VPS50: variants seen among roughly 807,000 people sequenced by gnomAD.
VPS50 encodes the protein VPS50 subunit of EARP/GARPII complex.
VPS50 carries 70 observed loss-of-function variants against 139.7 expected under a neutral mutation model. The observed-to-expected ratio is 0.50, with a 90% CI of 0.41 to 0.61. The LOEUF (loss-of-function observed/expected upper bound fraction) is 0.61. Among genes scored for constraint, VPS50 ranks in the 20% least tolerant of loss-of-function variants. VPS50 has a pLI of 0.00. For synonymous variants in VPS50, 365 were observed against 376.7 expected (o/e 0.97, Z 0.36); for missense variants, 921 against 1,133.7 (o/e 0.81, Z 2.69).
chr7:93,315,602 T>C (rs1797402582), intron 20 of VPS50, among the ~76,000 whole-genome samples: 1 of 152,198 alleles, frequency 6.6e-6, no homozygotes, highest in Admixed American at 6.5e-5. Context: ...CTTTGGGTAC[T>C]TGCTAGTCTG....
At chr7:93,327,153 A>C (rs989009632) in intron 21 of VPS50, among the ~76,000 whole-genome samples, 1 of 152,168 alleles carries the variant, frequency 6.6e-6, no homozygotes, top group East Asian at 1.9e-4. Flanking sequence ...GAAATTTCAC[A>C]ATAGTGGAAA....
At chr7:93,330,404 T>G (rs1797900929) in intron 21 of VPS50, among the ~76,000 whole-genome samples, 1 of 152,024 alleles carries the variant, frequency 6.6e-6, no homozygotes. Context: ...AATGGCAGAT[T>G]GTCAGAATGG....
intron 9 of VPS50, among the ~76,000 whole-genome samples, chr7:93,268,159 T>G (rs753154270): frequency 6.0e-4 from 91 of 152,160 alleles, no homozygotes; most frequent in African/African-American, 2.1e-3. Flanking sequence ...CCAAATCATA[T>G]AGAATATTGA....
At chr7:93,232,573 A>G (rs1043210773) in intron 1 of VPS50, 73 bp downstream of exon 1, 17 of 1,300,674 alleles carry the variant, frequency 1.3e-5, no homozygotes, top group South Asian at 1.3e-4. Flanking sequence ...TCTGTCCCCA[A>G]CCAGTGGCGG....
intron 12 of VPS50, among the ~76,000 whole-genome samples, chr7:93,283,522 C>T (rs1399986962): frequency 1.3e-5 from 2 of 152,152 alleles, no homozygotes; most frequent in Non-Finnish European, 2.9e-5. Flanking sequence ...AGGTGTGAGC[C>T]ACCGCGCCTG....
chr7:93,331,409 G>A (rs979352741), intron 21 of VPS50, among the ~76,000 whole-genome samples: 7 of 151,990 alleles, frequency 4.6e-5, no homozygotes, highest in Non-Finnish European at 1.0e-4. Flanking sequence ...CTGGCCTAAC[G>A]GTAGATAAGT....
At chr7:93,297,352 T>C in intron 16 of VPS50, 109 bp downstream of exon 16, 1 of 1,181,434 alleles carries the variant, frequency 8.5e-7, no homozygotes, top group Non-Finnish European at 1.1e-6. Context: ...CTTTTGAATT[T>C]GAATGTGTTG....
At chr7:93,269,677 G>A (rs1319139360) in intron 9 of VPS50, among the ~76,000 whole-genome samples, 1 of 152,058 alleles carries the variant, frequency 6.6e-6, no homozygotes, top group Admixed American at 6.6e-5. Context: ...TCTATAAGAA[G>A]CAAATGCAAG....
rs1246474211 is a variant in VPS50, at chr7:93,348,957, C to G, written c.2304+150C>G. 8.2e-6 allele frequency: 5 copies of G among 608,802 alleles called. No individual in the cohort carries two copies. The East Asian group carries it at 1.4e-4, about 17-fold the overall frequency. The allele number at this position is 608,802 out of a possible 1,614,324, so 37.7% of individuals were successfully genotyped here. A position where few individuals can be genotyped will look rare whatever the true frequency, so the allele number is the denominator to read the frequency against. The stretch of plus-strand genomic sequence containing the variant: ...ATATTCATTTATTCACTCATGAATT[C>G]CTACATTAAATACATACTATCGAGC... On this transcript the variant is annotated intron_variant, in intron 24 of 27. Coordinates refer to ENST00000305866, the MANE Select transcript of VPS50 (RefSeq NM_017667.4).
At position 93,301,596 on chromosome 7, in the gene VPS50, A is replaced by T. The variant is rs183329163; in HGVS notation, c.1362-1864A>T. Among the ~76,000 whole-genome samples, 381 of 152,328 alleles carry T rather than the reference A, an allele frequency of 2.5e-3. 1 individual carries two copies. Among genetic ancestry groups the T allele is most frequent in the African/African-American group, 8.9e-3 (369 of 41,572 alleles). On this transcript the variant is annotated intron_variant, in intron 16 of 27. Transcript: ENST00000305866. The stretch of plus-strand genomic sequence containing the variant: ...TAAATACCACAAACCTGTCTGGAAG[A>T]GACAGGAAGCAGATTATCCCCTAGG...
intron 17 of VPS50, among the ~76,000 whole-genome samples, chr7:93,304,673 C>G (rs1224200432): frequency 1.3e-5 from 2 of 151,744 alleles, no homozygotes; most frequent in African/African-American, 4.8e-5. Flanking sequence ...GTCACGTTGT[C>G]AAACTTAGTA....
intron 1 of VPS50, among the ~76,000 whole-genome samples, chr7:93,236,027 C>T (rs1402529986): frequency 6.6e-6 from 1 of 152,172 alleles, no homozygotes; most frequent in Non-Finnish European, 1.5e-5. Flanking sequence ...GGTAAGAAGT[C>T]TTTAGCTTCC....
intron 23 of VPS50, among the ~76,000 whole-genome samples, chr7:93,346,140 T>C (rs200675885): frequency 6.6e-6 from 1 of 152,154 alleles, no homozygotes; most frequent in Non-Finnish European, 1.5e-5. Context: ...TCTCAGGATA[T>C]AAAATCAATG....
rs148888740 is a variant in VPS50, at chr7:93,356,035, T to C, written c.2730T>C (p.Tyr910=). The part of the protein sequence containing the change: ...KEFVETYIKA[Y]YLTENDMERW... Reference sequence around the variant, plus strand: ...TTGTAGAAACTTATATTAAAGCTTATTACCTAACTGAGAATGACATGGAAC... The same window carrying C: ...TTGTAGAAACTTATATTAAAGCTTACTACCTAACTGAGAATGACATGGAAC... Residue 910 remains tyrosine, a synonymous_variant, in exon 27 of 28, where the codon TAT becomes TAC. Coordinates refer to ENST00000305866, the MANE Select transcript of VPS50 (RefSeq NM_017667.4). The C allele has an allele frequency of 7.3e-3, 11,360 of 1,556,646 alleles. 85 individuals are homozygous for C. The highest frequency in any genetic ancestry group is 7.4e-3 in the Non-Finnish European group (8,404 of 1,138,596).
At chr7:93,260,558 A>G (rs1276152024) in intron 9 of VPS50, among the ~76,000 whole-genome samples, 3 of 152,110 alleles carry the variant, frequency 2.0e-5, no homozygotes, top group East Asian at 1.9e-4. Flanking sequence ...AAATTATCTC[A>G]TATTACAAGT....
At chr7:93,347,107 A>G (rs183665150) in intron 23 of VPS50, among the ~76,000 whole-genome samples, 5 of 148,186 alleles carry the variant, frequency 3.4e-5, no homozygotes, top group Non-Finnish European at 4.4e-5. Flanking sequence ...AGAATCTACA[A>G]TGAACTCAAA....
intron 19 of VPS50, 58 bp downstream of exon 19, chr7:93,309,000 G>T (rs1797193165): frequency 7.8e-6 from 7 of 895,300 alleles, no homozygotes; most frequent in African/African-American, 1.7e-5. Context: ...TTAACATATA[G>T]GATTTCCTTT....
intron 20 of VPS50, among the ~76,000 whole-genome samples, chr7:93,322,461 G>C (rs1439681651): frequency 6.6e-6 from 1 of 151,640 alleles, no homozygotes; most frequent in South Asian, 2.1e-4. Context: ...TTAGCCGGGC[G>C]TGGTAGCGGG....
At chr7:93,355,413 A>G (rs1043094746) in intron 26 of VPS50, among the ~76,000 whole-genome samples, 53 of 152,184 alleles carry the variant, frequency 3.5e-4, no homozygotes, top group African/African-American at 1.2e-3. Flanking sequence ...CTATGCTTAC[A>G]TGCTTACACA....
Sources: allele counts gnomAD v4.1 joint callset (sites outside exome capture counted in the v4.1 genomes callset), GRCh38; gene constraint gnomAD v4.1.1; transcripts MANE v1.5; gene names NCBI Gene and HGNC (gene_info 2026-07-23, HGNC 2026-07-21).